Variants in TMPRSS2 observed in about 807,000 individuals in gnomAD.
The protein encoded by TMPRSS2 is transmembrane protease serine 2.
Under a neutral mutation model 67.4 loss-of-function variants are expected in TMPRSS2, and 59 were observed. That is an observed-to-expected ratio of 0.88 (90% CI 0.71 to 1.09). The LOEUF (loss-of-function observed/expected upper bound fraction) is 1.09, where lower values mean the gene tolerates loss of function less well. Among genes scored for constraint, TMPRSS2 ranks in the 50% least tolerant of loss-of-function variants. The pLI, the probability that TMPRSS2 is intolerant of heterozygous loss-of-function variation, is 0.00. For missense variants in TMPRSS2, 668 were observed against 642.7 expected, an observed-to-expected ratio of 1.04 and a Z score of -0.43; for synonymous variants, 257 against 257.0, an observed-to-expected ratio of 1.00 and a Z score of 0.00.
intron 13 of TMPRSS2, 46 bp downstream of exon 13, chr21:41,467,688 C>T: frequency 6.2e-7 from 1 of 1,602,264 alleles, no homozygotes; most frequent in Non-Finnish European, 8.5e-7. Context: ...CTGGCTTTGG[C>T]TCGAGGAATC....
At chr21:41,488,370 T>G in intron 5 of TMPRSS2, 24 bp downstream of exon 5, 1 of 1,604,054 alleles carries the variant, frequency 6.2e-7, no homozygotes, top group East Asian at 2.2e-5. Context: ...GAGGAGTCCC[T>G]TCCCAAGGTC....
At chr21:41,468,786 C>T (rs902159150) in intron 11 of TMPRSS2, 9 of 481,424 alleles carry the variant, frequency 1.9e-5, no homozygotes, top group African/African-American at 1.7e-4. Flanking sequence ...ATTCCCAGCT[C>T]TGAAACTATA....
At chr21:41,468,689 A>C in intron 11 of TMPRSS2, 151 bp from the exon 12 acceptor site, 1 of 794,972 alleles carries the variant, frequency 1.3e-6, no homozygotes, top group Non-Finnish European at 1.9e-6. Context: ...CCCAGCACCA[A>C]CCCCTCTCCT....
At position 41,494,554 on chromosome 21, in the gene TMPRSS2, A is replaced by G. The variant is rs1452535499; in HGVS notation, c.40T>C (p.Tyr14His). The G allele has an allele frequency of 6.2e-7, 1 of 1,613,590 alleles. No individual in the cohort carries two copies. The highest frequency in any genetic ancestry group is 2.2e-5 in the East Asian group (1 of 44,886). ...NSGSPPAIGP[Y>H]YENHGYQPEN... ...GGTTGGTATCCATGGTTTTCATAGT[A>G]AGGTCCAATAGCTGGTGGTGACCCC... Residue 14 changes from tyrosine (Y) to histidine (H), a missense_variant, in exon 3 of 14, where the codon TAC (tyrosine) becomes CAC (histidine). Physicochemically the swap from Tyr to His is moderately conservative, Grantham distance 83. Transcript: ENST00000332149.
intron 3 of TMPRSS2, among the ~76,000 whole-genome samples, chr21:41,493,227 T>C (rs1393352369): frequency 2.6e-5 from 4 of 151,686 alleles, no homozygotes; most frequent in Non-Finnish European, 5.9e-5. Flanking sequence ...ATCTGCTTGG[T>C]GGGGAGCATC....
chr21:41,508,021 C>T, intron 1 of TMPRSS2, 60 bp downstream of exon 1: 1 of 1,347,816 alleles, frequency 7.4e-7, no homozygotes, highest in Non-Finnish European at 9.5e-7. Flanking sequence ...GTCCCAGGCG[C>T]CCAGGTTCCC....
At position 41,503,314 on chromosome 21, in the gene TMPRSS2, T is replaced by G. The variant is rs77599791; in HGVS notation, c.-57+4767A>C. Among the ~76,000 whole-genome samples the G allele has an allele frequency of 3.9e-3, 595 of 152,246 alleles. 9 individuals carry two copies. Among genetic ancestry groups the G allele is most frequent in the African/African-American group, 0.013 (549 of 41,550 alleles). On this transcript the variant is annotated intron_variant, in intron 1 of 13. Transcript: ENST00000332149. Reference sequence around the variant, plus strand: ...CAGGCGGCAGAGGCCCTCAGGTCACTCCAGGCGGAGACTTCAACACCACAC... The same window carrying G: ...CAGGCGGCAGAGGCCCTCAGGTCACGCCAGGCGGAGACTTCAACACCACAC...
At chr21:41,469,297 T>C (rs7279603) in intron 11 of TMPRSS2, among the ~76,000 whole-genome samples, 52,154 of 151,756 alleles carry the variant, frequency 0.34, 9,498 homozygotes, top group African/African-American at 0.45. Context: ...CCTCATCTCT[T>C]CACATCCACG....
At chr21:41,507,997 G>C in intron 1 of TMPRSS2, 84 bp downstream of exon 1, 1 of 1,389,628 alleles carries the variant, frequency 7.2e-7, no homozygotes, top group Non-Finnish European at 9.3e-7. Context: ...GGGCGGGGCA[G>C]GGGGCATCGG....
Position 41,471,799 on chromosome 21 carries a change from C to T in TMPRSS2, c.1075+7G>A. 6.3e-7 allele frequency: 1 copy of T among 1,592,918 alleles called. No individual in the cohort carries two copies. The highest frequency in any genetic ancestry group is 8.6e-7 in the Non-Finnish European group (1 of 1,165,206). ...CAACCTGCTTGCCAAGCCTGAGCCA[C>T]ACGTACCGTTGAAAGTCAGAGGCTT... On this transcript the variant is annotated splice_region_variant and intron_variant, in intron 10 of 13. Coordinates refer to ENST00000332149, the MANE Select transcript of TMPRSS2 (RefSeq NM_005656.4).
At chr21:41,502,586 G>T (rs536147878) in intron 1 of TMPRSS2, 1 of 985,148 alleles carries the variant, frequency 1.0e-6, no homozygotes, top group African/African-American at 1.7e-5. Context: ...CAAAATAACC[G>T]CACTAATATC....
At chr21:41,499,803 A>AT (rs947004601) in intron 1 of TMPRSS2, among the ~76,000 whole-genome samples, 9 of 151,476 alleles carry the variant, frequency 5.9e-5, no homozygotes, top group East Asian at 3.9e-4. Context: ...TCATTGGACG[A>AT]TTTTTTTTTC....
intron 12 of TMPRSS2, 116 bp downstream of exon 12, chr21:41,468,280 C>T (rs181872728): frequency 1.2e-5 from 16 of 1,364,364 alleles, no homozygotes; most frequent in African/African-American, 2.9e-5. Context: ...ATGACTGCCC[C>T]GAGCTGGCTC....
chr21:41,477,458 T>A (rs886515499), intron 7 of TMPRSS2, among the ~76,000 whole-genome samples: 2 of 151,764 alleles, frequency 1.3e-5, no homozygotes, highest in Non-Finnish European at 2.9e-5. Context: ...CATTCCAACC[T>A]CCTCCTAGAA....
In TMPRSS2 at chr21:41,488,458, G is replaced by A. The variant is rs2091313368; in HGVS notation, c.381C>T (p.Ile127=). 1 of 1,613,868 alleles carries A rather than the reference G, an allele frequency of 6.2e-7. No individual in the cohort carries two copies. Among genetic ancestry groups the A allele is most frequent in the African/African-American group, 1.3e-5 (1 of 74,946 alleles). Residue 127 remains isoleucine, a synonymous_variant, in exon 5 of 14, where the codon ATC becomes ATT. Transcript: ENST00000332149. ...GIECDSSGTC[I]NPSNWCDGVS... ...CGCCATCACACCAGTTAGAGGGGTT[G>A]ATGCAGGTACCTGAGGAGTCGCACT...
In TMPRSS2 at chr21:41,489,564, T is replaced by C. The variant is rs1454297631; in HGVS notation, c.268A>G (p.Thr90Ala). The C allele has an allele frequency of 6.2e-7, 1 of 1,614,040 alleles. No homozygotes were observed. Residue 90 changes from threonine to alanine, a missense_variant, in exon 4 of 14, where the codon ACC (threonine) becomes GCC (alanine). Thr to Ala is a moderately conservative substitution (Grantham distance 58, BLOSUM62 0). Coordinates refer to ENST00000332149, the MANE Select transcript of TMPRSS2 (RefSeq NM_005656.4). ...KTKKALCITL[T>A]LGTFLVGAAL... is the part of the protein sequence containing the mutation. Reference sequence around the variant, plus strand: ...GCTCCCACGAGGAAGGTCCCCAGGGTCAAGGTGATGCACAGTGCTTTCTTA... The same window carrying C: ...GCTCCCACGAGGAAGGTCCCCAGGGCCAAGGTGATGCACAGTGCTTTCTTA...
At chr21:41,483,123 G>A (rs1015698972) in intron 5 of TMPRSS2, among the ~76,000 whole-genome samples, 7 of 152,092 alleles carry the variant, frequency 4.6e-5, no homozygotes, top group South Asian at 2.1e-4. Flanking sequence ...CAGGTTCATC[G>A]GTGTTAATGA....
intron 13 of TMPRSS2, among the ~76,000 whole-genome samples, chr21:41,467,248 G>C (rs1415212238): frequency 6.6e-6 from 1 of 152,154 alleles, no homozygotes; most frequent in Non-Finnish European, 1.5e-5. Flanking sequence ...AAGTAGCTGG[G>C]CGTGGTGGCG....
chr21:41,489,546 C>A lies in TMPRSS2; in HGVS notation c.286G>T (p.Val96Leu). 3 of 1,614,100 alleles carry A rather than the reference C, an allele frequency of 1.9e-6. No individual in the cohort carries two copies. Among genetic ancestry groups the A allele is most frequent in the Non-Finnish European group, 2.5e-6 (3 of 1,180,004 alleles). The change falls in exon 4 of 14, where the codon GTG becomes TTG. Residue 96 changes from valine to leucine, a missense_variant. Coordinates refer to ENST00000332149, the MANE Select transcript of TMPRSS2 (RefSeq NM_005656.4). ...AGGCCAGCGGCCAGCGCAGCTCCCA[C>A]GAGGAAGGTCCCCAGGGTCAAGGTG... ...CITLTLGTFL[V>L]GAALAAGLLW... is the part of the protein sequence containing the mutation.
Sources: allele counts gnomAD v4.1 joint callset (sites outside exome capture counted in the v4.1 genomes callset), GRCh38; gene constraint gnomAD v4.1.1; transcripts MANE v1.5; gene names NCBI Gene and HGNC (gene_info 2026-07-23, HGNC 2026-07-21).